Variants in RAP2A observed in about 807,000 individuals in gnomAD.
RAP2A encodes RAP2A, member of RAS oncogene family.
A neutral mutation model predicts 15.1 loss-of-function variants in RAP2A; 5 were observed. The ratio of observed to expected loss-of-function variants is 0.33; its 90% CI spans 0.17 to 0.70. The LOEUF (loss-of-function observed/expected upper bound fraction) is 0.70. Among genes scored for constraint, RAP2A ranks in the 30% least tolerant of loss-of-function variants. The pLI is 0.68. For missense variants in RAP2A, 111 were observed against 240.3 expected, an observed-to-expected ratio of 0.46 and a Z score of 3.56; for synonymous variants, 110 against 99.7, an observed-to-expected ratio of 1.10 and a Z score of -0.62.
intron 1 of RAP2A, among the ~76,000 whole-genome samples, chr13:97,448,553 G>A (rs1566473115): frequency 6.6e-6 from 1 of 152,118 alleles, no homozygotes; most frequent in Non-Finnish European, 1.5e-5. Flanking sequence ...CACAAATAAG[G>A]AACCTGAGGC....
intron 1 of RAP2A, among the ~76,000 whole-genome samples, chr13:97,459,205 A>G (rs2153180254): frequency 6.6e-6 from 1 of 152,208 alleles, no homozygotes; most frequent in Middle Eastern, 3.4e-3. Context: ...TAACACATAC[A>G]TTGAACAGTT....
intron 1 of RAP2A, among the ~76,000 whole-genome samples, chr13:97,451,401 C>T (rs2066701836): frequency 6.6e-6 from 1 of 152,160 alleles, no homozygotes; most frequent in Non-Finnish European, 1.5e-5. Context: ...CACTTCCATA[C>T]TCAGAGACCA....
At chr13:97,453,359 T>TA (rs753577715) in intron 1 of RAP2A, among the ~76,000 whole-genome samples, 25 of 151,260 alleles carry the variant, frequency 1.7e-4, no homozygotes, top group African/African-American at 4.6e-4. Context: ...TAGTCACACT[T>TA]ACTCCCCTCC....
chr13:97,457,400 C>T (rs975059391), intron 1 of RAP2A, among the ~76,000 whole-genome samples: 5 of 151,758 alleles, frequency 3.3e-5, no homozygotes, highest in African/African-American at 4.8e-5. Context: ...AATTAAATTA[C>T]GGTACAGTTA....
chr13:97,448,027 C>G (rs1281503786), intron 1 of RAP2A, among the ~76,000 whole-genome samples: 1 of 151,382 alleles, frequency 6.6e-6, no homozygotes, highest in Non-Finnish European at 1.5e-5. Context: ...TTAGCTAGGC[C>G]TTCAGAGCCA....
rs2066761087 is a variant in RAP2A at position 97,464,415 on chromosome 13, A to G, written c.525A>G (p.Pro175=). ...NYAAQPDKDD[P]CCSACNIQ ...CTGCTCAGCCTGACAAAGATGACCC[A>G]TGCTGTTCTGCATGTAACATACAAT... The change falls in exon 2 of 2, where the codon CCA becomes CCG. Residue 175 remains proline (P), a synonymous_variant. Coordinates refer to ENST00000245304, the MANE Select transcript of RAP2A (RefSeq NM_021033.7). 6.2e-7 allele frequency: 1 copy of G among 1,614,104 alleles called. No homozygotes were observed.
chr13:97,460,329 T>G (rs2153180350), intron 1 of RAP2A, among the ~76,000 whole-genome samples: 1 of 152,370 alleles, frequency 6.6e-6, no homozygotes, highest in Non-Finnish European at 1.5e-5. Flanking sequence ...CAATGATATG[T>G]GTTGACTGTG....
At chr13:97,435,535 C>T (rs1407054977) in intron 1 of RAP2A, among the ~76,000 whole-genome samples, 1 of 147,784 alleles carries the variant, frequency 6.8e-6, no homozygotes, top group Non-Finnish European at 1.5e-5. Context: ...ACAGAAGCTT[C>T]TTCAAAAGTG....
chr13:97,462,948 T>TG (rs2066754081), intron 1 of RAP2A, among the ~76,000 whole-genome samples: 2 of 152,240 alleles, frequency 1.3e-5, no homozygotes, highest in African/African-American at 2.4e-5. Flanking sequence ...GTTTCCTGAA[T>TG]GATAAAAATT....
At chr13:97,437,434 T>G (rs942286742) in intron 1 of RAP2A, 4 of 152,184 alleles carry the variant, frequency 2.6e-5, no homozygotes, top group African/African-American at 9.6e-5. Context: ...AAATAGAGAT[T>G]AGCATGCACC....
At chr13:97,437,809 G>C (rs1455462913) in intron 1 of RAP2A, among the ~76,000 whole-genome samples, 1 of 152,184 alleles carries the variant, frequency 6.6e-6, no homozygotes, top group African/African-American at 2.4e-5. Flanking sequence ...ATAATGCATA[G>C]CACTAATGCA....
At chr13:97,459,580 G>A (rs923751384) in intron 1 of RAP2A, among the ~76,000 whole-genome samples, 6 of 152,138 alleles carry the variant, frequency 3.9e-5, no homozygotes, top group South Asian at 2.1e-4. Flanking sequence ...TGCTGTCGCC[G>A]GCTCAGGCAT....
intron 1 of RAP2A, among the ~76,000 whole-genome samples, chr13:97,445,984 G>C (rs1242912421): frequency 6.6e-6 from 1 of 152,180 alleles, no homozygotes; most frequent in Non-Finnish European, 1.5e-5. Context: ...TTTATTGCTT[G>C]CATCAGCATA....
chr13:97,439,282 G>A (rs1437052310), intron 1 of RAP2A, among the ~76,000 whole-genome samples: 1 of 152,172 alleles, frequency 6.6e-6, no homozygotes, highest in African/African-American at 2.4e-5. Context: ...GTAGTGATAT[G>A]GTAGATGTCT....
chr13:97,462,303 A>G (rs1336681539), intron 1 of RAP2A, among the ~76,000 whole-genome samples: 1 of 152,068 alleles, frequency 6.6e-6, no homozygotes, highest in Non-Finnish European at 1.5e-5. Context: ...ACGAAATGTA[A>G]TTACATTTTG....
Position 97,464,483 on chromosome 13 carries a change from C to A in RAP2A, c.*41C>A. On this transcript the variant is annotated 3_prime_UTR_variant, in exon 2 of 2. Transcript: ENST00000245304. Reference sequence around the variant, plus strand: ...GTCCTGGATGGGATTTGCCCAATGTCGTAGGTGATAGAAAACTCGCCTACT... The same window carrying A: ...GTCCTGGATGGGATTTGCCCAATGTAGTAGGTGATAGAAAACTCGCCTACT... 1.9e-6 allele frequency: 3 copies of A among 1,586,186 alleles called. No homozygotes were observed. The highest frequency in any genetic ancestry group is 2.2e-5 in the South Asian group (2 of 90,228).
rs1438656487 is a variant in RAP2A at position 97,467,217 on chromosome 13, CT to C, written c.*2779del. 1.3e-5 allele frequency: 2 copies of C among 152,270 alleles called. No homozygotes were observed. Among genetic ancestry groups the C allele is most frequent in the East Asian group, 3.9e-4 (2 of 5,194 alleles). The allele number at this position is 152,270 out of a possible 1,614,324, so 9.4% of individuals were successfully genotyped here. A position where few individuals can be genotyped will look rare whatever the true frequency, so the allele number is the denominator to read the frequency against. ...CTTTTGATGTTGCAACTTTTGGGTT[CT>C]TTTAAACTGTGATAGTGATGGTAAC... On this transcript the variant is annotated 3_prime_UTR_variant, in exon 2 of 2. Transcript: ENST00000245304.
Position 97,439,895 on chromosome 13 carries a change from G to GT in RAP2A, c.314+5120dup, listed in dbSNP as rs1057063263. ...TAGCACTACCCAAGGTGAGTAAGTT[G>GT]TTTTTTTTTAAGATTATTATTAATT... On this transcript the variant is annotated intron_variant, in intron 1 of 1. Coordinates refer to ENST00000245304, the MANE Select transcript of RAP2A (RefSeq NM_021033.7). 4.0e-4 allele frequency among the ~76,000 whole-genome samples: 61 copies of GT among 151,254 alleles called. No individual in the cohort carries two copies. The East Asian group carries it at 7.4e-3, about 18-fold the overall frequency.
intron 1 of RAP2A, among the ~76,000 whole-genome samples, chr13:97,443,632 T>TC (rs1006101934): frequency 1.3e-5 from 2 of 152,234 alleles, no homozygotes; most frequent in Non-Finnish European, 2.9e-5. Flanking sequence ...CCTCAAGTGT[T>TC]CCGACTACCT....
Sources: gnomAD v4.1 joint callset for allele counts (sites outside exome capture counted in the v4.1 genomes callset) on GRCh38, gnomAD v4.1.1 for gene constraint, MANE v1.5 for transcripts, NCBI Gene and HGNC (gene_info 2026-07-23, HGNC 2026-07-21) for gene names.